Variants in LAMP1 observed in about 807,000 individuals in gnomAD.
LAMP1 encodes the protein lysosome associated membrane protein 1.
In LAMP1, 7 loss-of-function variants were observed where a neutral mutation model predicts 37.5. The ratio of observed to expected loss-of-function variants is 0.19; its 90% CI spans 0.11 to 0.35. LAMP1 has a LOEUF of 0.35. Ranked by LOEUF, LAMP1 falls within the 10% of genes least tolerant of loss-of-function variation. The pLI, the probability that LAMP1 is intolerant of heterozygous loss-of-function variation, is 1.00. For missense variants in LAMP1, 537 were observed against 552.8 expected (o/e 0.97, Z 0.29); for synonymous variants, 236 against 229.1 (o/e 1.03, Z -0.27).
chr13:113,318,841 C>T (rs1304332436), intron 4 of LAMP1, among the ~76,000 whole-genome samples: 1 of 152,196 alleles, frequency 6.6e-6, no homozygotes, highest in East Asian at 1.9e-4. Context: ...GCCTTGCCCG[C>T]CTTTGAGTCT....
chr13:113,313,873 G>A (rs2042645049), intron 4 of LAMP1, among the ~76,000 whole-genome samples: 1 of 123,048 alleles, frequency 8.1e-6, no homozygotes, highest in South Asian at 2.5e-4. Flanking sequence ...CGTGTGCCTG[G>A]GGCATGGCCT....
chr13:113,307,137 C>G (rs1237206120), intron 2 of LAMP1, among the ~76,000 whole-genome samples: 2 of 148,508 alleles, frequency 1.3e-5, no homozygotes, highest in Non-Finnish European at 3.0e-5. Flanking sequence ...CCGCGCCCAG[C>G]CTATCATCAA....
At position 113,322,423 on chromosome 13, in the gene LAMP1, C is replaced by A. The variant is rs1010593611; in HGVS notation, c.*2C>A. The A allele has an allele frequency of 6.2e-7, 1 of 1,605,932 alleles. No homozygotes were observed. Among genetic ancestry groups the A allele is most frequent in the African/African-American group, 1.3e-5 (1 of 74,746 alleles). On this transcript the variant is annotated 3_prime_UTR_variant, in exon 9 of 9. Coordinates refer to ENST00000332556, the MANE Select transcript of LAMP1 (RefSeq NM_005561.4). Reference sequence around the variant, plus strand: ...CACGCAGGCTACCAGACTATCTAGCCTGGTGCACGCAGGCACAGCAGCTGC... The same window carrying A: ...CACGCAGGCTACCAGACTATCTAGCATGGTGCACGCAGGCACAGCAGCTGC...
intron 1 of LAMP1, among the ~76,000 whole-genome samples, chr13:113,299,807 A>T (rs1478055699): frequency 1.3e-5 from 2 of 150,970 alleles, no homozygotes; most frequent in East Asian, 2.0e-4. Flanking sequence ...CTCGTGATCC[A>T]CCTGCCTCAG....
In LAMP1 at chr13:113,310,781, C is replaced by G. The variant is rs956983223; in HGVS notation, c.476C>G (p.Thr159Ser). 8 of 1,613,500 alleles carry G rather than the reference C, an allele frequency of 5.0e-6. No homozygotes were observed. Among genetic ancestry groups the G allele is most frequent in the Admixed American group, 1.7e-5 (1 of 59,978 alleles). ...IDKKYRCVSG[T>S]QVHMNNVTVT... Reference sequence around the variant, plus strand: ...AAAAAATACAGATGTGTTAGTGGCACCCAGGTCCACATGAACAACGTGACC... The same window carrying G: ...AAAAAATACAGATGTGTTAGTGGCAGCCAGGTCCACATGAACAACGTGACC... Residue 159 changes from threonine to serine, a missense_variant, in exon 4 of 9, where the codon ACC (threonine) becomes AGC (serine). Physicochemically the swap from Thr to Ser is moderately conservative, Grantham distance 58. Transcript: ENST00000332556.
intron 1 of LAMP1, among the ~76,000 whole-genome samples, chr13:113,298,689 A>G (rs943593180): frequency 6.6e-6 from 1 of 152,216 alleles, no homozygotes; most frequent in Non-Finnish European, 1.5e-5. Flanking sequence ...ACTTATTCCA[A>G]TAGTAAGCCT....
At chr13:113,322,040 C>T (rs1327728206) in intron 8 of LAMP1, 1 of 581,594 alleles carries the variant, frequency 1.7e-6, no homozygotes, top group Middle Eastern at 4.6e-4. Context: ...CTGGACGCAG[C>T]ACAGCTGTCC....
chr13:113,323,155 C>T lies in LAMP1; in HGVS notation c.*734C>T, dbSNP rs11541825. On this transcript the variant is annotated 3_prime_UTR_variant, in exon 9 of 9. Coordinates refer to ENST00000332556, the MANE Select transcript of LAMP1 (RefSeq NM_005561.4). ...ACGGGCCACACGTGGCTGGCGGCCT[C>T]GTTCCAGTGGCGGCACGTCCTTGGG... 16 of 152,334 alleles carry T rather than the reference C, an allele frequency of 1.1e-4. No homozygotes were observed. Among genetic ancestry groups the T allele is most frequent in the South Asian group, 2.1e-4 (1 of 4,836 alleles). The allele number at this position is 152,334 out of a possible 1,614,324, so 9.4% of individuals were successfully genotyped here. A position where few individuals can be genotyped will look rare whatever the true frequency, so the allele number is the denominator to read the frequency against.
intron 4 of LAMP1, among the ~76,000 whole-genome samples, chr13:113,319,183 G>A (rs1450787900): frequency 6.6e-6 from 1 of 152,222 alleles, no homozygotes; most frequent in Non-Finnish European, 1.5e-5. Flanking sequence ...CTTGGGGTGT[G>A]GTGGGCGGTG....
intron 4 of LAMP1, among the ~76,000 whole-genome samples, chr13:113,313,060 G>A (rs954916297): frequency 6.6e-6 from 1 of 152,114 alleles, no homozygotes; most frequent in Non-Finnish European, 1.5e-5. Flanking sequence ...GACCTTGTCC[G>A]GGGACTCCCT....
At chr13:113,308,324 C>CTTT (rs71101565) in intron 2 of LAMP1, among the ~76,000 whole-genome samples, 4,868 of 60,050 alleles carry the variant, frequency 0.081, 210 homozygotes, top group African/African-American at 0.12. Context: ...CCTCCAAGCA[C>CTTT]TTTTTTTTTT....
intron 1 of LAMP1, 87 bp from the exon 2 acceptor site, chr13:113,306,398 T>A: frequency 3.9e-6 from 5 of 1,278,432 alleles, no homozygotes; most frequent in Non-Finnish European, 5.4e-6. Context: ...ATAAAAGCCA[T>A]CACTGCTACA....
chr13:113,300,486 C>CA (rs781688099), intron 1 of LAMP1, among the ~76,000 whole-genome samples: 10,823 of 59,956 alleles, frequency 0.18, 934 homozygotes, highest in African/African-American at 0.35. Flanking sequence ...AACTCAATGT[C>CA]AAAAAAAAAA....
chr13:113,311,851 T>A (rs2042632377), intron 4 of LAMP1, among the ~76,000 whole-genome samples: 1 of 152,224 alleles, frequency 6.6e-6, no homozygotes. Flanking sequence ...ATCCTGTTAC[T>A]TTTGAGGAGC....
In LAMP1 at chr13:113,320,571, C is replaced by T. The variant is rs765166955; in HGVS notation, c.876+101C>T. 80 of 1,329,272 alleles carry T rather than the reference C, an allele frequency of 6.0e-5. No individual in the cohort carries two copies. The highest frequency in any genetic ancestry group is 2.1e-4 in the South Asian group (16 of 74,430). The allele number at this position is 1,329,272 out of a possible 1,614,324, so 82.3% of individuals were successfully genotyped here. A position where few individuals can be genotyped will look rare whatever the true frequency, so the allele number is the denominator to read the frequency against. On this transcript the variant is annotated intron_variant, in intron 6 of 8. Coordinates refer to ENST00000332556, the MANE Select transcript of LAMP1 (RefSeq NM_005561.4). The surrounding 1 kb of genome is among the most constrained non-coding windows in gnomAD (Gnocchi z 4.4). ...ATGGGAGGCAGCGTTAGGAAGGAGG[C>T]GGCCTCACTTTTTTCTGCCTTCCCT...
chr13:113,309,578 C>T (rs1173745237), intron 2 of LAMP1, 65 bp from the exon 3 acceptor site: 1 of 1,239,268 alleles, frequency 8.1e-7, no homozygotes, highest in Admixed American at 2.0e-5. Context: ...TACAGAAAAT[C>T]TCTTTCTTTG....
Position 113,310,899 on chromosome 13 carries a change from A to G in LAMP1, c.562+32A>G, listed in dbSNP as rs199902195. ...CGCTGACCCTTGGCCCTCTGGTGCT[A>G]GTGGTTGGGTAGCTGGGCTGCAGTG... On this transcript the variant is annotated intron_variant, in intron 4 of 8. Coordinates refer to ENST00000332556, the MANE Select transcript of LAMP1 (RefSeq NM_005561.4). 580 of 1,597,344 alleles carry G rather than the reference A, an allele frequency of 3.6e-4. 3 individuals are homozygous for G. The highest frequency in any genetic ancestry group is 4.4e-4 in the Non-Finnish European group (517 of 1,169,394).
At position 113,321,399 on chromosome 13, in the gene LAMP1, T is replaced by G. The variant is rs752377859; in HGVS notation, c.877-5T>G. The stretch of plus-strand genomic sequence containing the variant: ...CCGTGATTAAAGATCATTTTTCTTT[T>G]TAAGAATGCAAGTTCTAGCCGGTTT... On this transcript the variant is annotated splice_region_variant and splice_polypyrimidine_tract_variant and intron_variant, in intron 6 of 8. Transcript: ENST00000332556. The surrounding 1 kb of genome is among the most constrained non-coding windows in gnomAD (Gnocchi z 5.6). 1.1e-5 allele frequency: 18 copies of G among 1,611,414 alleles called. No individual in the cohort carries two copies. Among genetic ancestry groups the G allele is most frequent in the Non-Finnish European group, 1.4e-5 (16 of 1,177,636 alleles).
chr13:113,300,636 A>G (rs1187760258), intron 1 of LAMP1, among the ~76,000 whole-genome samples: 3 of 151,956 alleles, frequency 2.0e-5, no homozygotes, highest in African/African-American at 7.3e-5. Flanking sequence ...GTGAAACTCC[A>G]TCTCTATTCT....
Sources: allele counts gnomAD v4.1 joint callset (sites outside exome capture counted in the v4.1 genomes callset), GRCh38; gene constraint gnomAD v4.1.1; non-coding constraint Gnocchi (gnomAD v3.1); transcripts MANE v1.5; gene names NCBI Gene and HGNC (gene_info 2026-07-23, HGNC 2026-07-21).